STPG2: variants seen among roughly 807,000 people sequenced by gnomAD.
STPG2 encodes sperm tail PG-rich repeat containing 2, also known as sperm-tail PG-rich repeat-containing protein 2.
STPG2 carries 56 observed loss-of-function variants against 54.2 expected under a neutral mutation model. The ratio of observed to expected loss-of-function variants is 1.03; its 90% CI spans 0.83 to 1.29. The LOEUF is 1.29. Ranked by LOEUF, STPG2 falls within the 50% of genes most tolerant of loss-of-function variation. The pLI, the probability that STPG2 is intolerant of heterozygous loss-of-function variation, is 0.00. For missense variants in STPG2, 596 were observed against 544.9 expected, an observed-to-expected ratio of 1.09 and a Z score of -0.93; for synonymous variants, 200 against 181.8, an observed-to-expected ratio of 1.10 and a Z score of -0.81.
chr4:97,478,172 A>G (rs1268628362), intron 4 of STPG2, among the ~76,000 whole-genome samples: 1 of 152,204 alleles, frequency 6.6e-6, no homozygotes, highest in Non-Finnish European at 1.5e-5. Flanking sequence ...GATTTTGGAA[A>G]TGATAGGTAA....
intron 4 of STPG2, among the ~76,000 whole-genome samples, chr4:97,533,851 T>C (rs890982822): frequency 1.3e-5 from 2 of 152,182 alleles, no homozygotes; most frequent in Admixed American, 6.5e-5. Context: ...AAAATCTGTA[T>C]ACAAGTCTTT....
chr4:97,985,299 G>C (rs1416917515), intron 5 of STPG2, among the ~76,000 whole-genome samples: 2 of 152,136 alleles, frequency 1.3e-5, no homozygotes, highest in Non-Finnish European at 2.9e-5. Flanking sequence ...TGAACCAACT[G>C]AATCAATTTC....
intron 9 of STPG2, among the ~76,000 whole-genome samples, chr4:97,752,886 A>G (rs373971543): frequency 6.6e-6 from 1 of 151,872 alleles, no homozygotes; most frequent in African/African-American, 2.4e-5. Context: ...CTCTAAATTC[A>G]TAAAGCCTTT....
chr4:97,939,872 G>T (rs1732909040), intron 8 of STPG2, among the ~76,000 whole-genome samples: 1 of 152,094 alleles, frequency 6.6e-6, no homozygotes, highest in Non-Finnish European at 1.5e-5. Context: ...ATGTTGGCTT[G>T]TTCATGTGGT....
intron 7 of STPG2, among the ~76,000 whole-genome samples, chr4:97,962,217 G>A (rs908326063): frequency 6.6e-6 from 1 of 152,122 alleles, no homozygotes; most frequent in African/African-American, 2.4e-5. Context: ...GGAATGGGTG[G>A]AAGGGAAAGA....
intron 8 of STPG2, among the ~76,000 whole-genome samples, chr4:97,924,912 TG>T (rs1053258902): frequency 2.6e-5 from 4 of 152,184 alleles, no homozygotes; most frequent in Non-Finnish European, 4.4e-5. Context: ...TGATACAAAA[TG>T]TTGGATGGAT....
chr4:97,468,907 AC>A (rs1239426197), intron 4 of STPG2, among the ~76,000 whole-genome samples: 1 of 152,082 alleles, frequency 6.6e-6, no homozygotes, highest in Non-Finnish European at 1.5e-5. Context: ...ACTAAGAAAC[AC>A]AAGCTCTCCC....
chr4:97,873,500 A>T (rs1379529063), intron 8 of STPG2, among the ~76,000 whole-genome samples: 1 of 151,572 alleles, frequency 6.6e-6, no homozygotes, highest in Non-Finnish European at 1.5e-5. Flanking sequence ...ACACTACAAT[A>T]ACAAAAAGCA....
intron 4 of STPG2, among the ~76,000 whole-genome samples, chr4:97,509,802 C>G (rs778066720): frequency 6.6e-6 from 1 of 152,034 alleles, no homozygotes; most frequent in Non-Finnish European, 1.5e-5. Flanking sequence ...CAGATAACAT[C>G]TCATAATAAG....
At chr4:97,617,496 A>G (rs1395482213) in intron 10 of STPG2, among the ~76,000 whole-genome samples, 2 of 152,158 alleles carry the variant, frequency 1.3e-5, no homozygotes, top group African/African-American at 2.4e-5. Flanking sequence ...TGGAAGATCC[A>G]CTTGCATTGC....
At chr4:97,710,330 A>G (rs554227343) in intron 10 of STPG2, among the ~76,000 whole-genome samples, 3 of 152,164 alleles carry the variant, frequency 2.0e-5, no homozygotes, top group African/African-American at 7.2e-5. Flanking sequence ...AACTAAATCT[A>G]CCTGGGGAAC....
At chr4:98,101,159 T>C (rs1739025826) in intron 5 of STPG2, among the ~76,000 whole-genome samples, 1 of 152,208 alleles carries the variant, frequency 6.6e-6, no homozygotes, top group Admixed American at 6.5e-5. Flanking sequence ...TGCAGCACTT[T>C]GCCACTGAAA....
intron 4 of STPG2, among the ~76,000 whole-genome samples, chr4:97,466,852 A>G (rs954632827): frequency 1.3e-5 from 2 of 152,030 alleles, no homozygotes; most frequent in African/African-American, 4.8e-5. Context: ...AGATTATTTG[A>G]TGTCATATAT....
At position 98,143,065 on chromosome 4, in the gene STPG2, G is replaced by A. The variant is rs1460444577; in HGVS notation, c.86C>T (p.Pro29Leu). ...AHVGPGSYQV[P>L]FLKQQATGSN... ...ACCTGTCGCCTGCTGCTTCAGGAAA[G>A]GTACCTGGTAGGATCCAGGACCCAC... The change falls in exon 1 of 11, where the codon CCT (proline) becomes CTT (leucine). Residue 29 changes from proline to leucine, a missense_variant. By Grantham distance (98) the Pro-to-Leu change is moderately conservative. Transcript: ENST00000295268. 1.2e-6 allele frequency: 2 copies of A among 1,613,324 alleles called. No individual in the cohort carries two copies. Among genetic ancestry groups the A allele is most frequent in the Non-Finnish European group, 1.7e-6 (2 of 1,179,604 alleles).
intron 9 of STPG2, among the ~76,000 whole-genome samples, chr4:97,757,839 C>T (rs916864173): frequency 6.6e-6 from 1 of 152,130 alleles, no homozygotes; most frequent in Non-Finnish European, 1.5e-5. Context: ...GTGACTGTAT[C>T]ATTGGTCCTA....
chr4:98,133,052 T>C (rs1329355684), intron 2 of STPG2, among the ~76,000 whole-genome samples: 1 of 151,886 alleles, frequency 6.6e-6, no homozygotes, highest in Non-Finnish European at 1.5e-5. Flanking sequence ...AACATTTTGG[T>C]CATTTCCAGA....
chr4:97,507,165 A>G (rs564988761), intron 4 of STPG2, among the ~76,000 whole-genome samples: 2 of 152,132 alleles, frequency 1.3e-5, no homozygotes, highest in East Asian at 3.9e-4. Context: ...TAAAAAAACA[A>G]AAACAGAATA....
chr4:97,907,071 C>G (rs1259598604), intron 8 of STPG2, among the ~76,000 whole-genome samples: 1 of 151,920 alleles, frequency 6.6e-6, no homozygotes, highest in Non-Finnish European at 1.5e-5. Context: ...AAGAGGAAGT[C>G]AAATTGTCCC....
At chr4:97,529,891 C>T (rs1286372444) in intron 4 of STPG2, among the ~76,000 whole-genome samples, 1 of 152,072 alleles carries the variant, frequency 6.6e-6, no homozygotes, top group African/African-American at 2.4e-5. Context: ...TTTCATTTAA[C>T]TCAATCTGAA....
Sources: gnomAD v4.1 joint callset for allele counts (sites outside exome capture counted in the v4.1 genomes callset) on GRCh38, gnomAD v4.1.1 for gene constraint, MANE v1.5 for transcripts, NCBI Gene and HGNC (gene_info 2026-07-23, HGNC 2026-07-21) for gene names.